Variants in PPARGC1A observed in about 807,000 individuals in gnomAD.
PPARGC1A encodes the protein peroxisome proliferator-activated receptor gamma coactivator 1-alpha.
A neutral mutation model predicts 88.7 loss-of-function variants in PPARGC1A; 25 were observed. The ratio of observed to expected loss-of-function variants is 0.28; its 90% CI spans 0.21 to 0.39. PPARGC1A has a LOEUF of 0.39. Ranked by LOEUF, PPARGC1A falls within the 10% of genes least tolerant of loss-of-function variation. The probability of loss-of-function intolerance (pLI) is 1.00; values close to 1 mark genes in which losing one functional copy is unlikely to be tolerated. For synonymous variants in PPARGC1A, 363 were observed against 355.6 expected, an observed-to-expected ratio of 1.02 and a Z score of -0.24; for missense variants, 880 against 968.7, an observed-to-expected ratio of 0.91 and a Z score of 1.22.
the PPARGC1A span, among the ~76,000 whole-genome samples, chr4:24,035,032 A>G: frequency 1.3e-5 from 2 of 152,106 alleles, no homozygotes; most frequent in Admixed American, 6.6e-5. Flanking sequence ...TCAGATTGTA[A>G]TCTCCACAAG....
At chr4:24,330,041 A>C in the PPARGC1A span, among the ~76,000 whole-genome samples, 1 of 152,204 alleles carries the variant, frequency 6.6e-6, no homozygotes, top group Non-Finnish European at 1.5e-5. Flanking sequence ...CATCATCATG[A>C]ACATTATTGA....
At chr4:23,817,323 A>G (rs58826824) in intron 7 of PPARGC1A, among the ~76,000 whole-genome samples, 4,396 of 152,060 alleles carry the variant, frequency 0.029, 220 homozygotes, top group African/African-American at 0.1. Flanking sequence ...CCTTGATTGT[A>G]CTTTCTTTGG....
chr4:24,171,398 C>G, the PPARGC1A span, among the ~76,000 whole-genome samples: 1 of 151,836 alleles, frequency 6.6e-6, no homozygotes, highest in South Asian at 2.1e-4. Flanking sequence ...GAGCGAGACT[C>G]CATCTCAAAA....
chr4:24,066,022 G>A, the PPARGC1A span, among the ~76,000 whole-genome samples: 8 of 152,092 alleles, frequency 5.3e-5, no homozygotes, highest in Non-Finnish European at 7.3e-5. Context: ...ATTCAGGCGG[G>A]CTGCAGCCTC....
the PPARGC1A span, among the ~76,000 whole-genome samples, chr4:24,186,392 T>C: frequency 2.0e-5 from 3 of 152,296 alleles, no homozygotes; most frequent in South Asian, 6.2e-4. Flanking sequence ...CAGGATCTTC[T>C]AGTTATTAAT....
the PPARGC1A span, among the ~76,000 whole-genome samples, chr4:24,317,916 G>C: frequency 6.6e-6 from 1 of 152,204 alleles, no homozygotes; most frequent in Non-Finnish European, 1.5e-5. Context: ...ACTTTCTAAA[G>C]GCTGTTGAGA....
chr4:23,941,299 TCTC>T, the PPARGC1A span, among the ~76,000 whole-genome samples: 2 of 152,168 alleles, frequency 1.3e-5, no homozygotes, highest in Non-Finnish European at 2.9e-5. Flanking sequence ...CTCAAACTAA[TCTC>T]CTGCTTTGGC....
chr4:24,110,699 GAACT>G, the PPARGC1A span, among the ~76,000 whole-genome samples: 1 of 152,252 alleles, frequency 6.6e-6, no homozygotes, highest in South Asian at 2.1e-4. Flanking sequence ...AAAGGAAAGA[GAACT>G]AACACTTGAC....
the PPARGC1A span, among the ~76,000 whole-genome samples, chr4:24,237,962 C>T: frequency 2.0e-5 from 3 of 152,160 alleles, no homozygotes; most frequent in African/African-American, 7.2e-5. Context: ...TCCCATAATC[C>T]TCAAGATGTC....
chr4:23,878,450 G>A (rs747398328), intron 2 of PPARGC1A, among the ~76,000 whole-genome samples: 1 of 151,830 alleles, frequency 6.6e-6, no homozygotes, highest in Non-Finnish European at 1.5e-5. Context: ...AGATGGTCAC[G>A]TAACCTGCAT....
At chr4:24,435,625 A>G in the PPARGC1A span, among the ~76,000 whole-genome samples, 322 of 152,278 alleles carry the variant, frequency 2.1e-3, 2 homozygotes, top group African/African-American at 7.2e-3. Flanking sequence ...TCACTGCCTC[A>G]CCTTTGAATC....
chr4:23,991,756 G>T, the PPARGC1A span, among the ~76,000 whole-genome samples: 1 of 151,810 alleles, frequency 6.6e-6, no homozygotes, highest in Non-Finnish European at 1.5e-5. Context: ...GTGAGCACAG[G>T]CTTCTGAAAC....
At chr4:24,404,731 T>A in the PPARGC1A span, among the ~76,000 whole-genome samples, 2 of 152,224 alleles carry the variant, frequency 1.3e-5, no homozygotes, top group Admixed American at 1.3e-4. Flanking sequence ...ACAGGCTCGA[T>A]GTTGCCAGAT....
intron 7 of PPARGC1A, among the ~76,000 whole-genome samples, chr4:23,819,475 T>C (rs1200029703): frequency 1.3e-5 from 2 of 152,166 alleles, no homozygotes; most frequent in Admixed American, 6.5e-5. Context: ...AAGATGAAGA[T>C]ATCATTAATT....
At chr4:24,164,196 T>C in the PPARGC1A span, among the ~76,000 whole-genome samples, 1 of 152,212 alleles carries the variant, frequency 6.6e-6, no homozygotes, top group Admixed American at 6.5e-5. Flanking sequence ...ATGAGTGAGC[T>C]GAGCTCCATG....
At chr4:23,894,913 T>C (rs369342539), upstream of PPARGC1A, among the ~76,000 whole-genome samples, 2 of 152,272 alleles carry the variant, frequency 1.3e-5, no homozygotes, top group South Asian at 2.1e-4. Context: ...AATTTATCTA[T>C]AATGCAGACA....
the PPARGC1A span, among the ~76,000 whole-genome samples, chr4:24,153,658 A>C: frequency 6.6e-6 from 1 of 152,180 alleles, no homozygotes; most frequent in African/African-American, 2.4e-5. Flanking sequence ...AATGCTGTAA[A>C]CATTTCCCCA....
the PPARGC1A span, among the ~76,000 whole-genome samples, chr4:24,228,155 C>G: frequency 6.6e-6 from 1 of 152,126 alleles, no homozygotes; most frequent in Admixed American, 6.6e-5. Flanking sequence ...ATAAAGTGAT[C>G]TAATCCTTGG....
At chr4:24,134,987 G>A in the PPARGC1A span, among the ~76,000 whole-genome samples, 1 of 152,158 alleles carries the variant, frequency 6.6e-6, no homozygotes, top group Non-Finnish European at 1.5e-5. Context: ...GCACTGCTTT[G>A]ATTCTCCACC....
Sources: gnomAD v4.1 joint callset for allele counts (sites outside exome capture counted in the v4.1 genomes callset) on GRCh38, gnomAD v4.1.1 for gene constraint, MANE v1.5 for transcripts, NCBI Gene and HGNC (gene_info 2026-07-23, HGNC 2026-07-21) for gene names.